RELN: variants seen among roughly 807,000 people sequenced by gnomAD.
RELN encodes reelin.
A neutral mutation model predicts 427.6 loss-of-function variants in RELN; 108 were observed. That is an observed-to-expected ratio of 0.25 (90% CI 0.22 to 0.30). The LOEUF (loss-of-function observed/expected upper bound fraction) is 0.30, where lower values mean the gene tolerates loss of function less well. RELN is among the 10% of genes least tolerant of loss of function. The probability of loss-of-function intolerance (pLI) is 1.00; values close to 1 mark genes in which losing one functional copy is unlikely to be tolerated. For missense variants in RELN, 3,715 were observed against 4,302.8 expected (o/e 0.86, Z 3.82); for synonymous variants, 1,524 against 1,513.4 (o/e 1.01, Z -0.16).
At position 103,545,141 on chromosome 7, in the gene RELN, A is replaced by G. The variant is rs1830259342; in HGVS notation, c.6506T>C (p.Leu2169Pro). 6.2e-7 allele frequency: 1 copy of G among 1,613,582 alleles called. No homozygotes were observed. Among genetic ancestry groups the G allele is most frequent in the African/African-American group, 1.3e-5 (1 of 75,058 alleles). The part of the protein sequence containing the change: ...CKISTKNPDF[L>P]KDDFEGQLES... ...AAGACTACCTTCGAAATCATCTTTGAGAAAATCAGGATTTTTGGTGCTTAT... is the reference window on the plus strand; with the variant it reads ...AAGACTACCTTCGAAATCATCTTTGGGAAAATCAGGATTTTTGGTGCTTAT... The change falls in exon 42 of 65, where the codon CTC becomes CCC. Residue 2169 changes from leucine to proline, a missense_variant. Leu to Pro is a moderately conservative substitution (Grantham distance 98). This residue lies in a region of RELN where 1,310 missense variants were observed against 1,643.0 expected (regional missense o/e 0.80). Coordinates refer to ENST00000428762, the MANE Select transcript of RELN (RefSeq NM_005045.4).
In RELN at chr7:103,968,007, T is replaced by C. The variant is rs2116809167; in HGVS notation, c.226+21124A>G. 6.7e-6 allele frequency among the ~76,000 whole-genome samples: 1 copy of C among 149,204 alleles called. No individual in the cohort carries two copies. Among genetic ancestry groups the C allele is most frequent in the East Asian group, 1.9e-4 (1 of 5,144 alleles). On this transcript the variant is annotated intron_variant, in intron 1 of 64. Transcript: ENST00000428762. This position sits in a 1 kb window ranked among gnomAD's most constrained non-coding sequence, Gnocchi z 4.3. ...TACATATTTCTCAAACTGTATAGTT[T>C]ATATATAAATATAAAATATATTTTG...
chr7:103,836,726 G>T lies in RELN; in HGVS notation c.338-3054C>A, dbSNP rs145891168. On this transcript the variant is annotated intron_variant, in intron 2 of 64. Coordinates refer to ENST00000428762, the MANE Select transcript of RELN (RefSeq NM_005045.4). ...TACATGAAGATTTGGCTCACTTTCTGCTTTTTCAAGCCTCTCCTGTCCACT... is the reference window on the plus strand; with the variant it reads ...TACATGAAGATTTGGCTCACTTTCTTCTTTTTCAAGCCTCTCCTGTCCACT... 9.3e-4 allele frequency among the ~76,000 whole-genome samples: 141 copies of T among 152,242 alleles called. 1 individual carries two copies. Among genetic ancestry groups the T allele is most frequent in the Non-Finnish European group, 1.7e-3 (114 of 68,020 alleles).
intron 2 of RELN, among the ~76,000 whole-genome samples, chr7:103,865,853 C>A (rs996270944): frequency 6.6e-5 from 10 of 152,088 alleles, no homozygotes; most frequent in African/African-American, 2.2e-4. Context: ...TAAGGATGCC[C>A]ACTCTCACCT....
chr7:103,780,333 T>C (rs935143277), intron 3 of RELN, among the ~76,000 whole-genome samples: 3 of 152,232 alleles, frequency 2.0e-5, no homozygotes, highest in Non-Finnish European at 4.4e-5. Context: ...ACCTAGTACA[T>C]AGTATTTGTC....
At chr7:103,627,711 A>C (rs1039870824) in intron 20 of RELN, among the ~76,000 whole-genome samples, 1 of 152,192 alleles carries the variant, frequency 6.6e-6, no homozygotes, top group Non-Finnish European at 1.5e-5. Context: ...TAAAACTCCT[A>C]TGGTGCTGCT....
chr7:103,751,153 T>C (rs1222087464), intron 5 of RELN, among the ~76,000 whole-genome samples: 3 of 152,224 alleles, frequency 2.0e-5, no homozygotes, highest in Non-Finnish European at 2.9e-5. Context: ...TCTAACTTCT[T>C]TGGGTCTTGA....
chr7:103,630,847 T>TTTG (rs754832508), intron 19 of RELN, among the ~76,000 whole-genome samples: 39 of 71,330 alleles, frequency 5.5e-4, no homozygotes, highest in Non-Finnish European at 9.3e-4. Flanking sequence ...TGAGTTATTT[T>TTTG]TTTGTTTTTT....
intron 7 of RELN, among the ~76,000 whole-genome samples, chr7:103,725,202 T>C (rs1452193463): frequency 1.3e-5 from 2 of 152,214 alleles, no homozygotes; most frequent in Non-Finnish European, 2.9e-5. Flanking sequence ...AGTTTGATAT[T>C]GTTTTAGTCC....
chr7:103,746,051 A>T lies in RELN; in HGVS notation c.656+3375T>A, dbSNP rs949730247. Among the ~76,000 whole-genome samples, 813 of 152,186 alleles carry T rather than the reference A, an allele frequency of 5.3e-3. 3 individuals carry two copies. Among genetic ancestry groups the T allele is most frequent in the Middle Eastern group, 0.02 (6 of 294 alleles). On this transcript the variant is annotated intron_variant, in intron 6 of 64. Coordinates refer to ENST00000428762, the MANE Select transcript of RELN (RefSeq NM_005045.4). Reference sequence around the variant, plus strand: ...GCTACAGTAACCAAAACAGCATGGTACTGGTACCAAAACAGAGATATAGAC... The same window carrying T: ...GCTACAGTAACCAAAACAGCATGGTTCTGGTACCAAAACAGAGATATAGAC...
intron 2 of RELN, among the ~76,000 whole-genome samples, chr7:103,860,740 A>T (rs1480109174): frequency 6.6e-6 from 1 of 152,108 alleles, no homozygotes; most frequent in Non-Finnish European, 1.5e-5. Flanking sequence ...AAAAATATCA[A>T]AAAGAGTTCT....
intron 4 of RELN, among the ~76,000 whole-genome samples, chr7:103,773,342 CCT>C (rs1199992009): frequency 3.5e-5 from 1 of 28,184 alleles, no homozygotes; most frequent in Non-Finnish European, 5.5e-5. Context: ...TCCCTCGCTT[CCT>C]CTCTCTCTCT....
At chr7:103,798,704 T>C (rs554653491) in intron 3 of RELN, among the ~76,000 whole-genome samples, 3 of 152,314 alleles carry the variant, frequency 2.0e-5, no homozygotes, top group South Asian at 4.1e-4. Flanking sequence ...CCCGCTTCCA[T>C]GCTATCTCAG....
intron 41 of RELN, among the ~76,000 whole-genome samples, chr7:103,549,238 A>G (rs1247222546): frequency 1.3e-5 from 2 of 152,282 alleles, no homozygotes; most frequent in East Asian, 1.9e-4. Context: ...GGGAAGTCCA[A>G]GATAAAGGAG....
In RELN at chr7:103,640,893, G is replaced by A. The variant is rs1026927927; in HGVS notation, c.2003-284C>T. Among the ~76,000 whole-genome samples the A allele has an allele frequency of 3.3e-5, 5 of 152,142 alleles. No individual in the cohort carries two copies. The highest frequency in any genetic ancestry group is 2.1e-4 in the South Asian group (1 of 4,808). On this transcript the variant is annotated intron_variant, in intron 16 of 64. Transcript: ENST00000428762. This position sits in a 1 kb window ranked among gnomAD's most constrained non-coding sequence, Gnocchi z 4.1. ...ATAGAGTCTATTAGACAATATTAGCGCTTCTGCCTTGAACATTCTACAAAG... is the reference window on the plus strand; with the variant it reads ...ATAGAGTCTATTAGACAATATTAGCACTTCTGCCTTGAACATTCTACAAAG...
At chr7:103,612,301 T>A (rs1248263045) in intron 20 of RELN, among the ~76,000 whole-genome samples, 4 of 151,356 alleles carry the variant, frequency 2.6e-5, no homozygotes, top group African/African-American at 4.9e-5. Flanking sequence ...ATGTATATGA[T>A]TAAATAAGCC....
chr7:103,834,795 C>T (rs996379179), intron 2 of RELN, among the ~76,000 whole-genome samples: 2 of 152,112 alleles, frequency 1.3e-5, no homozygotes, highest in African/African-American at 4.8e-5. Context: ...AATACTGATA[C>T]CACCAAATGC....
rs362697 is a variant in RELN at position 103,636,598 on chromosome 7, G to C, written c.2070-130C>G. ...TGGTAAATGAGGCTCATTAGTCTTT[G>C]GAGACTACTGAATCTAAAGACTTGA... On this transcript the variant is annotated intron_variant, in intron 17 of 64. Coordinates refer to ENST00000428762, the MANE Select transcript of RELN (RefSeq NM_005045.4). The C allele has an allele frequency of 3.6e-3, 2,549 of 717,864 alleles. 59 individuals carry two copies. The African/African-American group carries it at 0.04, about 11-fold the overall frequency. The allele number at this position is 717,864 out of a possible 1,614,324, so 44.5% of individuals were successfully genotyped here.
chr7:103,682,888 T>C (rs748815083), intron 10 of RELN, among the ~76,000 whole-genome samples: 5 of 152,072 alleles, frequency 3.3e-5, no homozygotes, highest in Non-Finnish European at 7.4e-5. Context: ...AAAGAACACA[T>C]AAAAAATAAG....
At chr7:103,896,360 A>C (rs1794960606) in intron 2 of RELN, among the ~76,000 whole-genome samples, 1 of 152,112 alleles carries the variant, frequency 6.6e-6, no homozygotes, top group South Asian at 2.1e-4. Flanking sequence ...TTGTACAAGA[A>C]TGTTCACAGC....
Sources: allele counts gnomAD v4.1 joint callset (sites outside exome capture counted in the v4.1 genomes callset), GRCh38; gene constraint gnomAD v4.1.1; regional missense constraint gnomAD v4.1.1; non-coding constraint Gnocchi (gnomAD v3.1); transcripts MANE v1.5; gene names NCBI Gene and HGNC (gene_info 2026-07-23, HGNC 2026-07-21).